Variants in ZNF41 observed in about 807,000 individuals in gnomAD.
ZNF41 encodes the protein zinc finger protein 41.
A neutral mutation model predicts 9.3 loss-of-function variants in ZNF41; 6 were observed. The ratio of observed to expected loss-of-function variants is 0.65; its 90% CI spans 0.35 to 1.28. The LOEUF is 1.28. Among genes scored for constraint, ZNF41 ranks in the 50% most tolerant of loss-of-function variants. The pLI is 0.03. For synonymous variants in ZNF41, 192 were observed against 207.1 expected, an observed-to-expected ratio of 0.93 and a Z score of 0.63; for missense variants, 523 against 585.8, an observed-to-expected ratio of 0.89 and a Z score of 1.11.
intron 4 of ZNF41, 28 bp downstream of exon 4, chrX:47,455,893 C>CGGA (rs1158178560): frequency 8.5e-7 from 1 of 1,172,512 alleles, no homozygotes; most frequent in East Asian, 3.0e-5. Context: ...CTTCCATGTC[C>CGGA]CCATCTGTCT....
At chrX:47,469,449 A>G (rs2057111785) in intron 1 of ZNF41, among the ~76,000 whole-genome samples, 1 of 111,740 alleles carries the variant, frequency 8.9e-6, no homozygotes, top group African/African-American at 3.2e-5. Flanking sequence ...TGGAATAGAA[A>G]CAGAAATGTC....
intron 1 of ZNF41, chrX:47,476,933 G>A (rs1030573997): frequency 3.8e-5 from 4 of 104,732 alleles, no homozygotes; most frequent in Admixed American, 2.1e-4. Flanking sequence ...GTGGGTGCCT[G>A]TAATCCTAGC....
At chrX:47,467,331 T>C (rs771498429) in intron 2 of ZNF41, 79 bp downstream of exon 2, 1 of 1,167,597 alleles carries the variant, frequency 8.6e-7, no homozygotes, top group South Asian at 1.9e-5. Flanking sequence ...CACCTGCTTC[T>C]GCCCTTAGGC....
rs774976903 is a variant in ZNF41 at position 47,447,529 on chromosome X, A to C, written c.2241T>G (p.Tyr747Ter). ...HQIIHTGKKP[Y>*]ACTECQKAFT... ...AGGCCTTCTGACATTCTGTACAAGC[A>C]TAAGGTTTCTTTCCTGTATGAATTA... Residue 747 changes from tyrosine to a stop codon, truncating the protein, a stop_gained, in exon 5 of 5, where the codon TAT becomes TAG. Transcript: ENST00000684689. LOFTEE classifies it low-confidence loss of function (END_TRUNC). 1.7e-6 allele frequency: 2 copies of C among 1,211,959 alleles called. No individual in the cohort carries two copies. Among genetic ancestry groups the C allele is most frequent in the South Asian group, 3.5e-5 (2 of 57,021 alleles).
rs1273796596 is a variant in ZNF41, at chrX:47,446,558, G to A, written c.*872C>T. ...TTCCATTGTCGTAGGGTCAGTTACT[G>A]AGGGAATCAGGAATCTATGGCCTGC... On this transcript the variant is annotated 3_prime_UTR_variant, in exon 5 of 5. Coordinates refer to ENST00000684689, the MANE Select transcript of ZNF41 (RefSeq NM_001324144.2). 1 of 109,956 alleles carries A rather than the reference G, an allele frequency of 9.1e-6. No individual in the cohort carries two copies. Among genetic ancestry groups the A allele is most frequent in the African/African-American group, 3.3e-5 (1 of 30,290 alleles). 9.1% of individuals were successfully genotyped at this position (109,956 alleles called of 1,213,427 possible). A position where few individuals can be genotyped will look rare whatever the true frequency, so the allele number is the denominator to read the frequency against.
Position 47,448,108 on chromosome X carries a change from A to T in ZNF41, c.1662T>A (p.Asn554Lys), listed in dbSNP as rs755366069. 9 of 1,209,386 alleles carry T rather than the reference A, an allele frequency of 7.4e-6. No homozygotes were observed. The highest frequency in any genetic ancestry group is 1.0e-5 in the Non-Finnish European group (9 of 895,158). The change falls in exon 5 of 5, where the codon AAT becomes AAA. Residue 554 changes from asparagine (N) to lysine (K), a missense_variant. Asn to Lys is a moderately conservative substitution (Grantham distance 94). Transcript: ENST00000684689. ...THTGEKPYKC[N>K]GCGKAFIWKS... ...TCCATATGAAGGCTTTTCCACAGCC[A>T]TTGCACTTATAGGGTTTCTCTCCAG...
At chrX:47,470,504 A>G (rs2057157174) in intron 1 of ZNF41, among the ~76,000 whole-genome samples, 1 of 109,099 alleles carries the variant, frequency 9.2e-6, no homozygotes. Context: ...AGGCAGGCAG[A>G]TTACCTGAGG....
chrX:47,465,438 GAAAT>G (rs1354570203), intron 2 of ZNF41, among the ~76,000 whole-genome samples: 4 of 112,293 alleles, frequency 3.6e-5, no homozygotes, highest in Non-Finnish European at 7.5e-5. Context: ...CATCACCAAA[GAAAT>G]AAGTCTTTGA....
intron 1 of ZNF41, among the ~76,000 whole-genome samples, chrX:47,480,881 T>A (rs1345727555): frequency 5.6e-5 from 6 of 107,335 alleles, no homozygotes; most frequent in Admixed American, 1.0e-4. Flanking sequence ...AGAAGCCTTC[T>A]CATATGTTGC....
chrX:47,473,809 C>A lies in ZNF41; in HGVS notation c.-279-6049G>T, dbSNP rs918841627. Reference sequence around the variant, plus strand: ...GGATGCAGATAAACTAGATCTCTAACATATTGCCAGCAGGAATGTAAAGTG... The same window carrying A: ...GGATGCAGATAAACTAGATCTCTAAAATATTGCCAGCAGGAATGTAAAGTG... On this transcript the variant is annotated intron_variant, in intron 1 of 4. Transcript: ENST00000684689. 2.0e-4 allele frequency among the ~76,000 whole-genome samples: 22 copies of A among 112,045 alleles called. 1 individual carries two copies. The highest frequency in any genetic ancestry group is 4.0e-4 in the Non-Finnish European group (21 of 53,138).
Position 47,447,446 on chromosome X carries a change from T to C in ZNF41, c.2324A>G (p.Tyr775Cys), listed in dbSNP as rs762154270. The stretch of plus-strand genomic sequence containing the variant: ...AAGACTTTCTCAGTCACTGGCTTTA[T>C]AGCGTTTTTCTCCACTATGCATTTT... ...HQKMHSGEKR[Y>C]KASD Residue 775 changes from tyrosine to cysteine, a missense_variant, in exon 5 of 5, where the codon TAT becomes TGT. Transcript: ENST00000684689. 2 of 1,209,693 alleles carry C rather than the reference T, an allele frequency of 1.7e-6. No homozygotes were observed. Among genetic ancestry groups the C allele is most frequent in the South Asian group, 3.5e-5 (2 of 56,828 alleles).
intron 1 of ZNF41, among the ~76,000 whole-genome samples, chrX:47,479,825 G>C (rs2057425648): frequency 9.0e-6 from 1 of 111,516 alleles, no homozygotes; most frequent in Non-Finnish European, 1.9e-5. Flanking sequence ...GGCTGGGTGC[G>C]GTGGCTCATG....
chrX:47,478,831 G>A (rs139287746), intron 1 of ZNF41, among the ~76,000 whole-genome samples: 5,810 of 109,948 alleles, frequency 0.053, 392 homozygotes, highest in African/African-American at 0.18. Flanking sequence ...TACTTGGGAG[G>A]CTGAGGCAGG....
At chrX:47,475,405 A>T (rs1396667678) in intron 1 of ZNF41, among the ~76,000 whole-genome samples, 1 of 111,530 alleles carries the variant, frequency 9.0e-6, no homozygotes, top group Non-Finnish European at 1.9e-5. Context: ...ATTTTAAAAA[A>T]GGCATCAGTT....
chrX:47,449,713 C>CTAACCCTATGAGGTAGCT (rs2147490291), intron 4 of ZNF41, among the ~76,000 whole-genome samples: 1 of 112,387 alleles, frequency 8.9e-6, no homozygotes, highest in African/African-American at 3.2e-5. Context: ...GCTCATTTAA[C>CTAACCCTATGAGGTAGCT]TAACCCTATG....
At chrX:47,469,538 T>C (rs920383378) in intron 1 of ZNF41, among the ~76,000 whole-genome samples, 1 of 110,704 alleles carries the variant, frequency 9.0e-6, no homozygotes, top group East Asian at 2.8e-4. Flanking sequence ...ACAATGTAAT[T>C]GGGCATTTGT....
Position 47,457,266 on chromosome X carries a change from T to G in ZNF41, c.73-868A>C, listed in dbSNP as rs888019990. 5.5e-5 allele frequency among the ~76,000 whole-genome samples: 6 copies of G among 109,966 alleles called. No individual in the cohort carries two copies. In the Admixed American group the frequency reaches 5.9e-4, roughly 11 times the overall value. On this transcript the variant is annotated intron_variant, in intron 2 of 4. Coordinates refer to ENST00000684689, the MANE Select transcript of ZNF41 (RefSeq NM_001324144.2). Reference sequence around the variant, plus strand: ...CTCTACTAAAAATACAAAAGTTAGCTGGGCGTGGTGGCGCACGCCCGTAAT... The same window carrying G: ...CTCTACTAAAAATACAAAAGTTAGCGGGGCGTGGTGGCGCACGCCCGTAAT...
Position 47,448,288 on chromosome X carries a change from G to C in ZNF41, c.1482C>G (p.Pro494=). The change falls in exon 5 of 5, where the codon CCC becomes CCG. Residue 494 remains proline (P), a synonymous_variant. Coordinates refer to ENST00000684689, the MANE Select transcript of ZNF41 (RefSeq NM_001324144.2). Reference sequence around the variant, plus strand: ...CCTTTCCACATTCTGTACATATATAGGGTTTCTCTCCGGTGTGAATTCTTT... The same window carrying C: ...CCTTTCCACATTCTGTACATATATACGGTTTCTCTCCGGTGTGAATTCTTT... ...VHQRIHTGEK[P]YICTECGKVF... 1 of 1,211,116 alleles carries C rather than the reference G, an allele frequency of 8.3e-7. No individual in the cohort carries two copies. The highest frequency in any genetic ancestry group is 1.7e-5 in the African/African-American group (1 of 57,606).
intron 2 of ZNF41, among the ~76,000 whole-genome samples, chrX:47,466,158 G>A (rs1042331329): frequency 9.3e-6 from 1 of 107,824 alleles, no homozygotes; most frequent in Non-Finnish European, 1.9e-5. Context: ...ATTTGCTAAC[G>A]TATACTTTCT....
Sources: gnomAD v4.1 joint callset for allele counts (sites outside exome capture counted in the v4.1 genomes callset) on GRCh38, gnomAD v4.1.1 for gene constraint, MANE v1.5 for transcripts, NCBI Gene and HGNC (gene_info 2026-07-23, HGNC 2026-07-21) for gene names.